The following CMBL variants were observed in gnomAD, a reference collection of about 807,000 sequenced individuals.
The protein encoded by CMBL is carboxymethylenebutenolidase homolog (Pseudomonas).
A neutral mutation model predicts 28.7 loss-of-function variants in CMBL; 17 were observed. The ratio of observed to expected loss-of-function variants is 0.59; its 90% confidence interval spans 0.41 to 0.89. The LOEUF is 0.89. Ranked by LOEUF, CMBL falls within the 40% of genes least tolerant of loss-of-function variation. The probability of loss-of-function intolerance (pLI) is 0.00; values close to 1 mark genes in which losing one functional copy is unlikely to be tolerated. For missense variants in CMBL, 310 were observed against 298.5 expected (o/e 1.04, Z -0.28); for synonymous variants, 106 against 101.6 (o/e 1.04, Z -0.26).
chr5:10,287,972 C>T (rs894988773), intron 3 of CMBL, among the ~76,000 whole-genome samples: 4 of 149,978 alleles, frequency 2.7e-5, no homozygotes, highest in African/African-American at 7.3e-5. Context: ...CTCAAGTGAT[C>T]AGCCAGCCTC....
Position 10,288,410 on chromosome 5 carries a change from C to A in CMBL, c.323+12G>T. 3 of 1,603,064 alleles carry A rather than the reference C, an allele frequency of 1.9e-6. No individual in the cohort carries two copies. Among genetic ancestry groups the A allele is most frequent in the Non-Finnish European group, 2.6e-6 (3 of 1,170,052 alleles). On this transcript the variant is annotated intron_variant, in intron 3 of 5. Coordinates refer to ENST00000296658, the MANE Select transcript of CMBL (RefSeq NM_138809.4). ...CACAACGTGCACATGGCCACGTCTGCGGATAACTCACCTATCGATCTTCTG... is the reference window on the plus strand; with the variant it reads ...CACAACGTGCACATGGCCACGTCTGAGGATAACTCACCTATCGATCTTCTG...
Position 10,290,536 on chromosome 5 carries a change from C to A in CMBL, c.215+12G>T, listed in dbSNP as rs761654842. On this transcript the variant is annotated intron_variant, in intron 2 of 5. Coordinates refer to ENST00000296658, the MANE Select transcript of CMBL (RefSeq NM_138809.4). Reference sequence around the variant, plus strand: ...TATGAATTTAAACAAAGAAACACAACTTTATACATACGTGTATCCATTTCC... The same window carrying A: ...TATGAATTTAAACAAAGAAACACAAATTTATACATACGTGTATCCATTTCC... The A allele has an allele frequency of 3.1e-6, 5 of 1,603,050 alleles. No individual in the cohort carries two copies. Among genetic ancestry groups the A allele is most frequent in the East Asian group, 4.5e-5 (2 of 44,842 alleles).
intron 3 of CMBL, among the ~76,000 whole-genome samples, chr5:10,288,218 G>T (rs1257967785): frequency 1.3e-5 from 2 of 152,036 alleles, no homozygotes. Context: ...AGTGAGCCGA[G>T]ATCATGCCAC....
At position 10,290,566 on chromosome 5, in the gene CMBL, A is replaced by T. The variant is rs759262499; in HGVS notation, c.197T>A (p.Ile66Asn). The change falls in exon 2 of 6, where the codon ATC (isoleucine) becomes AAC (asparagine). Residue 66 changes from isoleucine to asparagine, a missense_variant. Coordinates refer to ENST00000296658, the MANE Select transcript of CMBL (RefSeq NM_138809.4). ...TACATACGTGTATCCATTTCCTGAG[A>T]TCATGTCAGCTATATATCTGGTATT... The part of the protein sequence containing the change: ...LPNTRYIADM[I>N]SGNGYTTIVP... 4 of 1,613,780 alleles carry T rather than the reference A, an allele frequency of 2.5e-6. No homozygotes were observed. The highest frequency in any genetic ancestry group is 3.4e-6 in the Non-Finnish European group (4 of 1,179,640).
At chr5:10,303,678 C>G (rs1009861687) in intron 1 of CMBL, among the ~76,000 whole-genome samples, 21 of 152,172 alleles carry the variant, frequency 1.4e-4, no homozygotes, top group Non-Finnish European at 5.9e-5. Flanking sequence ...ACCTTAAAAA[C>G]TGAGTTATTG....
intron 1 of CMBL, among the ~76,000 whole-genome samples, chr5:10,300,474 G>A (rs1746880254): frequency 1.3e-5 from 2 of 152,096 alleles, no homozygotes; most frequent in South Asian, 2.1e-4. Context: ...ACAACAGTTC[G>A]ATGAACAGGC....
At chr5:10,284,640 G>A (rs901393255) in intron 4 of CMBL, among the ~76,000 whole-genome samples, 2 of 152,210 alleles carry the variant, frequency 1.3e-5, no homozygotes, top group African/African-American at 4.8e-5. Flanking sequence ...CCCAACTGTA[G>A]CCTGATGCAG....
intron 1 of CMBL, among the ~76,000 whole-genome samples, chr5:10,299,502 G>A (rs190823209): frequency 3.3e-5 from 5 of 152,072 alleles, no homozygotes; most frequent in Admixed American, 6.5e-5. Context: ...CAGATGCCCC[G>A]CACCCTAGAT....
chr5:10,295,137 G>A (rs1010654564), intron 1 of CMBL, among the ~76,000 whole-genome samples: 3 of 151,592 alleles, frequency 2.0e-5, no homozygotes, highest in East Asian at 3.9e-4. Context: ...AGGCTGGAGC[G>A]TAGTGGCATG....
intron 1 of CMBL, among the ~76,000 whole-genome samples, chr5:10,304,042 T>C (rs1395332281): frequency 2.0e-5 from 3 of 152,094 alleles, no homozygotes; most frequent in Non-Finnish European, 4.4e-5. Context: ...AAAAGCTCAA[T>C]TGCCCACGTA....
At chr5:10,295,433 G>A (rs371722100) in intron 1 of CMBL, among the ~76,000 whole-genome samples, 15 of 152,214 alleles carry the variant, frequency 9.9e-5, no homozygotes, top group African/African-American at 3.4e-4. Flanking sequence ...ATGGACATTC[G>A]AAAAATGTGA....
chr5:10,284,969 G>A (rs1413000837), intron 4 of CMBL, among the ~76,000 whole-genome samples: 3 of 151,138 alleles, frequency 2.0e-5, no homozygotes, highest in African/African-American at 4.9e-5. Context: ...CGATTTTAGA[G>A]TGTGTTTTCC....
At chr5:10,298,186 A>C (rs184458106) in intron 1 of CMBL, among the ~76,000 whole-genome samples, 15 of 152,176 alleles carry the variant, frequency 9.9e-5, no homozygotes, top group African/African-American at 3.6e-4. Context: ...GCACTGAGCT[A>C]CCCAGGTAAG....
intron 4 of CMBL, among the ~76,000 whole-genome samples, chr5:10,283,092 G>GAAAAAA (rs70944000): frequency 0.1 from 12,310 of 119,462 alleles, 1,045 homozygotes; most frequent in African/African-American, 0.23. Context: ...CTCCGTCTCA[G>GAAAAAA]AAAAAAAAAA....
chr5:10,299,935 C>T (rs1044777335), intron 1 of CMBL, among the ~76,000 whole-genome samples: 1 of 152,158 alleles, frequency 6.6e-6, no homozygotes, highest in African/African-American at 2.4e-5. Flanking sequence ...GATGACAACA[C>T]CTGGAACCAA....
chr5:10,297,167 AGAGT>A (rs1746823595), intron 1 of CMBL, among the ~76,000 whole-genome samples: 1 of 136,116 alleles, frequency 7.3e-6, no homozygotes, highest in South Asian at 2.5e-4. Flanking sequence ...CCTAGGCAAT[AGAGT>A]GAGACTCCAT....
chr5:10,280,269 A>G lies in CMBL; in HGVS notation c.*184T>C. The G allele has an allele frequency of 2.0e-6, 1 of 505,330 alleles. No homozygotes were observed. The highest frequency in any genetic ancestry group is 3.5e-6 in the Non-Finnish European group (1 of 288,082). 31.3% of individuals were successfully genotyped at this position (505,330 alleles called of 1,614,324 possible). A position where few individuals can be genotyped will look rare whatever the true frequency, so the allele number is the denominator to read the frequency against. On this transcript the variant is annotated 3_prime_UTR_variant, in exon 6 of 6. Coordinates refer to ENST00000296658, the MANE Select transcript of CMBL (RefSeq NM_138809.4). ...TTGTTTTTAAATTATGATTCGATGTACATGTCAAAAATTAAATTATTTCAT... is the reference window on the plus strand; with the variant it reads ...TTGTTTTTAAATTATGATTCGATGTGCATGTCAAAAATTAAATTATTTCAT...
chr5:10,293,413 A>T (rs182379732), intron 1 of CMBL, among the ~76,000 whole-genome samples: 13 of 152,302 alleles, frequency 8.5e-5, no homozygotes, highest in African/African-American at 2.6e-4. Flanking sequence ...GGGTAGAAGG[A>T]ACTAGCTGGC....
intron 4 of CMBL, among the ~76,000 whole-genome samples, chr5:10,284,829 C>T (rs114575783): frequency 0.021 from 3,216 of 152,098 alleles, 110 homozygotes; most frequent in African/African-American, 0.072. Context: ...TTTTTGTTTT[C>T]GTTTATCTAT....
Sources: allele counts gnomAD v4.1 joint callset (sites outside exome capture counted in the v4.1 genomes callset), GRCh38; gene constraint gnomAD v4.1.1; transcripts MANE v1.5; gene names NCBI Gene and HGNC (gene_info 2026-07-23, HGNC 2026-07-21).